ARHGAP42: variants seen among roughly 807,000 people sequenced by gnomAD.
ARHGAP42 encodes the protein rho GTPase-activating protein 42.
In ARHGAP42, 63 loss-of-function variants were observed where a neutral mutation model predicts 125.0. That is an observed-to-expected ratio of 0.50 (90% CI 0.41 to 0.62). ARHGAP42 has a LOEUF of 0.62. Ranked by LOEUF, ARHGAP42 falls within the 20% of genes least tolerant of loss-of-function variation. The probability of loss-of-function intolerance (pLI) is 0.00; values close to 1 mark genes in which losing one functional copy is unlikely to be tolerated. For synonymous variants in ARHGAP42, 339 were observed against 351.0 expected (o/e 0.97, Z 0.38); for missense variants, 766 against 1,024.2 (o/e 0.75, Z 3.44).
intron 6 of ARHGAP42, among the ~76,000 whole-genome samples, chr11:100,924,388 T>C (rs370547074): frequency 2.6e-5 from 4 of 152,064 alleles, no homozygotes; most frequent in African/African-American, 2.4e-5. Flanking sequence ...ATATTCTGGC[T>C]GGGCACAGTG....
chr11:100,770,304 C>G, intron 1 of ARHGAP42, 39 bp from the exon 2 acceptor site: 1 of 1,377,356 alleles, frequency 7.3e-7, no homozygotes, highest in Non-Finnish European at 1.0e-6. Context: ...TTCAGTGGAA[C>G]CTCACCTTAT....
At chr11:100,837,667 T>TATTA (rs1491435882) in intron 3 of ARHGAP42, among the ~76,000 whole-genome samples, 21,254 of 63,566 alleles carry the variant, frequency 0.33, 1,991 homozygotes, top group East Asian at 0.43. Context: ...GGTGTCATCC[T>TATTA]TTTTTTTTTT....
chr11:100,780,220 TG>T (rs1863272788), intron 2 of ARHGAP42, among the ~76,000 whole-genome samples: 1 of 152,080 alleles, frequency 6.6e-6, no homozygotes, highest in African/African-American at 2.4e-5. Context: ...AAGGATAAGG[TG>T]GTAAACCCCT....
At chr11:100,901,700 G>T (rs951571807) in intron 4 of ARHGAP42, among the ~76,000 whole-genome samples, 3 of 152,228 alleles carry the variant, frequency 2.0e-5, no homozygotes, top group Non-Finnish European at 4.4e-5. Flanking sequence ...AAGGCTCCGT[G>T]GGCATGGGAC....
intron 15 of ARHGAP42, 81 bp from the exon 16 acceptor site, chr11:100,962,328 A>G (rs540866): frequency 0.3 from 327,417 of 1,093,112 alleles, 58,342 homozygotes; most frequent in East Asian, 0.78. Flanking sequence ...ACAGTCACCT[A>G]ATTCTTAAAG....
At chr11:100,821,951 G>T (rs1327610686) in intron 3 of ARHGAP42, among the ~76,000 whole-genome samples, 1 of 152,018 alleles carries the variant, frequency 6.6e-6, no homozygotes, top group African/African-American at 2.4e-5. Context: ...CGTTTCTTTC[G>T]ATTTCTTCAT....
At chr11:100,969,088 C>T (rs1267759378) in intron 17 of ARHGAP42, among the ~76,000 whole-genome samples, 4 of 152,002 alleles carry the variant, frequency 2.6e-5, no homozygotes, top group Non-Finnish European at 5.9e-5. Flanking sequence ...CTGAAAATGC[C>T]TTTATTTCAC....
chr11:100,895,246 C>T (rs1334815417), intron 4 of ARHGAP42, among the ~76,000 whole-genome samples: 1 of 151,960 alleles, frequency 6.6e-6, no homozygotes, highest in Non-Finnish European at 1.5e-5. Flanking sequence ...TTCATTCATT[C>T]ACCAGTCCTT....
chr11:100,804,089 C>T (rs1363412861), intron 3 of ARHGAP42, among the ~76,000 whole-genome samples: 3 of 152,176 alleles, frequency 2.0e-5, no homozygotes, highest in African/African-American at 7.2e-5. Flanking sequence ...CCTGCCTCAG[C>T]CTCCTGGGTA....
chr11:100,860,267 CG>C (rs1439353006), intron 4 of ARHGAP42, among the ~76,000 whole-genome samples: 30 of 152,166 alleles, frequency 2.0e-4, no homozygotes, highest in Non-Finnish European at 2.6e-4. Flanking sequence ...TAGTCAATGT[CG>C]TATCCCTTCC....
At chr11:100,922,547 T>A (rs960707164) in intron 6 of ARHGAP42, among the ~76,000 whole-genome samples, 3 of 152,160 alleles carry the variant, frequency 2.0e-5, no homozygotes, top group African/African-American at 7.2e-5. Context: ...GTGTAAGTAA[T>A]CAAATATCTA....
At chr11:100,931,026 C>G (rs1045779340) in intron 6 of ARHGAP42, among the ~76,000 whole-genome samples, 1 of 152,086 alleles carries the variant, frequency 6.6e-6, no homozygotes, top group Admixed American at 6.6e-5. Flanking sequence ...GGATCCAAGT[C>G]TAAACATGAA....
rs1462848723 is a variant in ARHGAP42, at chr11:100,738,357, C to G, written c.155-31986C>G. ...AAGGGCTGCAATTCATTGAAATAAC[C>G]AGGAGAAATTGGATGCTGATATTTC... On this transcript the variant is annotated intron_variant, in intron 1 of 23. Coordinates refer to ENST00000298815, the MANE Select transcript of ARHGAP42 (RefSeq NM_152432.4). 8 of 152,192 alleles carry G rather than the reference C, an allele frequency of 5.3e-5. No homozygotes were observed. The East Asian group carries it at 1.5e-3, about 29-fold the overall frequency. The allele number at this position is 152,192 out of a possible 1,614,324, so 9.4% of individuals were successfully genotyped here.
intron 4 of ARHGAP42, among the ~76,000 whole-genome samples, chr11:100,870,949 A>T (rs975879174): frequency 0.017 from 647 of 38,094 alleles, 10 homozygotes; most frequent in South Asian, 0.042. Flanking sequence ...AGAAGGTTTA[A>T]AAAAAAAAAA....
chr11:100,841,814 C>A lies in ARHGAP42; in HGVS notation c.313-17740C>A, dbSNP rs1864952947. Among the ~76,000 whole-genome samples the A allele has an allele frequency of 2.0e-5, 3 of 152,312 alleles. No homozygotes were observed. In the South Asian group the frequency reaches 6.2e-4, roughly 32 times the overall value. Reference sequence around the variant, plus strand: ...ATGCTGGAGTTCCAAGGTATCTCCTCACTGAGGCTTTGCCTATCCAGTTTA... The same window carrying A: ...ATGCTGGAGTTCCAAGGTATCTCCTAACTGAGGCTTTGCCTATCCAGTTTA... On this transcript the variant is annotated intron_variant, in intron 3 of 23. Coordinates refer to ENST00000298815, the MANE Select transcript of ARHGAP42 (RefSeq NM_152432.4).
chr11:100,935,402 T>TG (rs1867705941), intron 7 of ARHGAP42, among the ~76,000 whole-genome samples: 1 of 152,200 alleles, frequency 6.6e-6, no homozygotes, highest in Non-Finnish European at 1.5e-5. Context: ...CCAAGCTACG[T>TG]GATGTTTCTT....
intron 1 of ARHGAP42, among the ~76,000 whole-genome samples, chr11:100,695,039 A>G (rs573024458): frequency 3.3e-5 from 5 of 152,376 alleles, no homozygotes; most frequent in African/African-American, 1.2e-4. Flanking sequence ...AAAAAGAAGT[A>G]GAAAATAATA....
chr11:100,795,686 T>C (rs1471108960), intron 3 of ARHGAP42, among the ~76,000 whole-genome samples: 1 of 152,234 alleles, frequency 6.6e-6, no homozygotes, highest in African/African-American at 2.4e-5. Flanking sequence ...AGCATAGTTA[T>C]TGGTGAAACA....
intron 4 of ARHGAP42, among the ~76,000 whole-genome samples, chr11:100,904,386 A>G (rs1441542416): frequency 6.6e-6 from 1 of 151,970 alleles, no homozygotes; most frequent in East Asian, 1.9e-4. Context: ...AGCTGGGATT[A>G]CAGGCGCATG....
Sources: allele counts gnomAD v4.1 joint callset (sites outside exome capture counted in the v4.1 genomes callset), GRCh38; gene constraint gnomAD v4.1.1; transcripts MANE v1.5; gene names NCBI Gene and HGNC (gene_info 2026-07-23, HGNC 2026-07-21).